VIPR1: variants seen among roughly 807,000 people sequenced by gnomAD.
The protein encoded by VIPR1 is vasoactive intestinal peptide receptor 1, also known as vasoactive intestinal polypeptide receptor 1.
In VIPR1, 59 loss-of-function variants were observed where a neutral mutation model predicts 58.8. That is an observed-to-expected ratio of 1.00 (90% CI 0.81 to 1.25). VIPR1 has a LOEUF of 1.25. Ranked by LOEUF, VIPR1 falls within the 50% of genes most tolerant of loss-of-function variation. The pLI, the probability that VIPR1 is intolerant of heterozygous loss-of-function variation, is 0.00. For missense variants in VIPR1, 626 were observed against 602.7 expected (o/e 1.04, Z -0.40); for synonymous variants, 251 against 242.1 (o/e 1.04, Z -0.34).
At chr3:42,514,582 C>T (rs1334482098) in intron 2 of VIPR1, among the ~76,000 whole-genome samples, 3 of 150,532 alleles carry the variant, frequency 2.0e-5, no homozygotes, top group Admixed American at 6.6e-5. Context: ...CATACACACA[C>T]GCCCAGCCCC....
In VIPR1 at chr3:42,531,657, T is replaced by G; in HGVS notation, c.851+126T>G. ...ACAGCTCTCGGGCCAGAGGGGAGGC[T>G]GGAGGAGGACCTGGGGAGCAACAGA... On this transcript the variant is annotated intron_variant, in intron 8 of 12. Coordinates refer to ENST00000325123, the MANE Select transcript of VIPR1 (RefSeq NM_004624.4). The G allele has an allele frequency of 2.6e-6, 4 of 1,553,148 alleles. No homozygotes were observed. The South Asian group carries it at 4.5e-5, about 17-fold the overall frequency.
At chr3:42,515,656 G>A (rs780117755) in intron 2 of VIPR1, among the ~76,000 whole-genome samples, 1 of 152,242 alleles carries the variant, frequency 6.6e-6, no homozygotes, top group Non-Finnish European at 1.5e-5. Flanking sequence ...CCATGGGTCT[G>A]CCCGTGACCT....
intron 4 of VIPR1, 149 bp from the exon 5 acceptor site, chr3:42,527,244 C>A (rs747942010): frequency 7.4e-6 from 5 of 674,178 alleles, no homozygotes; most frequent in Non-Finnish European, 1.3e-5. Context: ...AGGGGCTCAG[C>A]TGCTCTTGGG....
At chr3:42,508,409 G>A (rs1700216903) in intron 1 of VIPR1, among the ~76,000 whole-genome samples, 1 of 152,202 alleles carries the variant, frequency 6.6e-6, no homozygotes, top group East Asian at 1.9e-4. Flanking sequence ...CTGCCACCTC[G>A]TGAAGAGGGG....
intron 1 of VIPR1, chr3:42,489,701 T>C (rs1699632343): frequency 6.6e-6 from 1 of 152,354 alleles, no homozygotes; most frequent in East Asian, 1.9e-4. Context: ...CCAGCCCTAG[T>C]CTGGCCTCAG....
chr3:42,528,163 C>A (rs571599735), intron 6 of VIPR1, 40 bp downstream of exon 6: 1 of 1,604,292 alleles, frequency 6.2e-7, no homozygotes, highest in Non-Finnish European at 8.5e-7. Flanking sequence ...TCAGTCTCGC[C>A]GTTATCTTTA....
At chr3:42,490,336 G>A (rs554898506) in intron 1 of VIPR1, among the ~76,000 whole-genome samples, 1 of 152,244 alleles carries the variant, frequency 6.6e-6, no homozygotes, top group Non-Finnish European at 1.5e-5. Flanking sequence ...TGCTGTCAGG[G>A]TCCCTATCCT....
At chr3:42,498,616 A>C (rs906572963), upstream of VIPR1, among the ~76,000 whole-genome samples, 1 of 152,084 alleles carries the variant, frequency 6.6e-6, no homozygotes, top group African/African-American at 2.4e-5. Flanking sequence ...CTTGAGCTTC[A>C]TTTCCAAATC....
Position 42,527,976 on chromosome 3 carries a change from G to T in VIPR1, c.504-15G>T. Reference sequence around the variant, plus strand: ...AAGGCCCCTTTGGCCTCCCAGATCTGCCCACCCCACACAGGAAGCTCCACT... The same window carrying T: ...AAGGCCCCTTTGGCCTCCCAGATCTTCCCACCCCACACAGGAAGCTCCACT... On this transcript the variant is annotated splice_polypyrimidine_tract_variant and intron_variant, in intron 5 of 12. Transcript: ENST00000325123. 6.2e-7 allele frequency: 1 copy of T among 1,612,250 alleles called. No individual in the cohort carries two copies. Among genetic ancestry groups the T allele is most frequent in the South Asian group, 1.1e-5 (1 of 90,824 alleles).
chr3:42,528,190 C>T, intron 6 of VIPR1, 67 bp downstream of exon 6: 1 of 1,560,296 alleles, frequency 6.4e-7, no homozygotes, highest in Non-Finnish European at 8.7e-7. Context: ...GTAATCTCCT[C>T]TTCTCCCCCT....
At position 42,495,279 on chromosome 3, in the gene VIPR1, T is replaced by C. The variant is rs139822848; in HGVS notation, c.-245+5601T>C. On this transcript the variant is annotated intron_variant, in intron 1 of 13. Coordinates refer to the VIPR1 transcript ENST00000433647. ...TGGGACTATAGGCGCCCACCACCAC[T>C]CCCGGCTAAATTTTTTTATTTTTAG... is the stretch of plus-strand genomic sequence containing the variant. 2.0e-5 allele frequency among the ~76,000 whole-genome samples: 3 copies of C among 151,220 alleles called. No homozygotes were observed. The South Asian group carries it at 6.4e-4, about 32-fold the overall frequency.
intron 1 of VIPR1, among the ~76,000 whole-genome samples, chr3:42,496,735 T>C (rs1025546830): frequency 6.6e-6 from 1 of 152,276 alleles, no homozygotes; most frequent in South Asian, 2.1e-4. Context: ...CCATTGACTA[T>C]GATGATTCAT....
At chr3:42,492,842 C>G (rs114959957) in intron 1 of VIPR1, among the ~76,000 whole-genome samples, 2,114 of 152,328 alleles carry the variant, frequency 0.014, 50 homozygotes, top group African/African-American at 0.048. Flanking sequence ...CAGGAGGCTG[C>G]GCCCTGGACA....
chr3:42,502,003 A>G (rs73082655), upstream of VIPR1: 2,336 of 152,452 alleles, frequency 0.015, 35 homozygotes, highest in East Asian at 0.057. Context: ...ACCCGGGAGC[A>G]GGGAACACCA....
chr3:42,536,139 T>A lies in VIPR1; in HGVS notation c.1232T>A (p.Val411Asp), dbSNP rs779308639. 6.2e-7 allele frequency: 1 copy of A among 1,605,816 alleles called. No individual in the cohort carries two copies. Among genetic ancestry groups the A allele is most frequent in the African/African-American group, 1.3e-5 (1 of 74,722 alleles). The change falls in exon 13 of 13, where the codon GTC becomes GAC. Residue 411 changes from valine (V) to aspartate (D), a missense_variant. Val to Asp is a radical substitution (Grantham distance 152, BLOSUM62 -3). Coordinates refer to ENST00000325123, the MANE Select transcript of VIPR1 (RefSeq NM_004624.4). ...TGGCGGCGCTGGCACCTGCAGGGCG[T>A]CCTGGGCTGGAACCCCAAATACCGG... ...RKWRRWHLQGVLGWNPKYRHP... is the reference protein window; with the variant it reads ...RKWRRWHLQGDLGWNPKYRHP...
upstream of VIPR1, among the ~76,000 whole-genome samples, chr3:42,501,075 C>G (rs1375242334): frequency 6.6e-6 from 1 of 151,926 alleles, no homozygotes; most frequent in Non-Finnish European, 1.5e-5. This position sits in a 1 kb window ranked among gnomAD's most constrained non-coding sequence, Gnocchi z 4.8. Context: ...GCGAGGTTCC[C>G]TTTAATGAAG....
intron 3 of VIPR1, among the ~76,000 whole-genome samples, chr3:42,522,949 T>C (rs1701028842): frequency 6.6e-6 from 1 of 152,164 alleles, no homozygotes; most frequent in African/African-American, 2.4e-5. Context: ...CTGGTCGTCA[T>C]GGCTATCCTG....
intron 1 of VIPR1, among the ~76,000 whole-genome samples, chr3:42,496,142 C>T (rs1699756789): frequency 6.6e-6 from 1 of 152,110 alleles, no homozygotes; most frequent in Non-Finnish European, 1.5e-5. Flanking sequence ...GAGGCTGAAG[C>T]AGGAGAATGG....
chr3:42,528,651 G>T (rs191660163), intron 6 of VIPR1: 2 of 153,830 alleles, frequency 1.3e-5, no homozygotes, highest in Admixed American at 1.3e-4. Context: ...GGCTGGTTCT[G>T]GGCCTTCCTA....
Sources: gnomAD v4.1 joint callset for allele counts (sites outside exome capture counted in the v4.1 genomes callset) on GRCh38, gnomAD v4.1.1 for gene constraint, Gnocchi (gnomAD v3.1) non-coding constraint, MANE v1.5 for transcripts, NCBI Gene and HGNC (gene_info 2026-07-23, HGNC 2026-07-21) for gene names.